Variants in DPYSL2 observed in about 807,000 individuals in gnomAD.
The protein encoded by DPYSL2 is dihydropyrimidinase like 2, also known as dihydropyrimidinase-related protein 2.
Under a neutral mutation model 69.9 loss-of-function variants are expected in DPYSL2, and 13 were observed. The ratio of observed to expected loss-of-function variants is 0.19; its 90% CI spans 0.12 to 0.30. The LOEUF is 0.30. Among genes scored for constraint, DPYSL2 ranks in the 10% least tolerant of loss-of-function variants. The pLI is 1.00. For missense variants in DPYSL2, 587 were observed against 918.9 expected, an observed-to-expected ratio of 0.64 and a Z score of 4.67; for synonymous variants, 326 against 359.1, an observed-to-expected ratio of 0.91 and a Z score of 1.04.
chr8:26,653,153 A>G lies in DPYSL2; in HGVS notation c.1777-79A>G. ...CTCCATCCCTAGATCTCACAGGCCC[A>G]TCCTCCCTCCAGGAGGGTTTCTAGA... On this transcript the variant is annotated intron_variant, in intron 12 of 13. Coordinates refer to ENST00000521913, the MANE Select transcript of DPYSL2 (RefSeq NM_001197293.3). This position sits in a 1 kb window ranked among gnomAD's most constrained non-coding sequence, Gnocchi z 5.7. 1 of 1,516,750 alleles carries G rather than the reference A, an allele frequency of 6.6e-7. No homozygotes were observed. The highest frequency in any genetic ancestry group is 1.4e-5 in the African/African-American group (1 of 72,430). The allele number at this position is 1,516,750 out of a possible 1,614,324, so 94.0% of individuals were successfully genotyped here.
At chr8:26,646,155 C>T (rs1235436602) in intron 10 of DPYSL2, among the ~76,000 whole-genome samples, 3 of 152,048 alleles carry the variant, frequency 2.0e-5, no homozygotes, top group Non-Finnish European at 4.4e-5. Flanking sequence ...TGTGAGCCAC[C>T]ACGCCCAGCC....
intron 1 of DPYSL2, chr8:26,577,281 C>A: frequency 3.3e-6 from 1 of 306,268 alleles, no homozygotes; most frequent in Non-Finnish European, 6.2e-6. Context: ...CAGCCGCCCT[C>A]TCCGGGGCCG....
At chr8:26,534,630 A>G (rs1800562971) in intron 1 of DPYSL2, among the ~76,000 whole-genome samples, 1 of 151,460 alleles carries the variant, frequency 6.6e-6, no homozygotes. Context: ...TTTTTATTTT[A>G]TTTATTATTA....
chr8:26,542,214 G>T (rs547831695), intron 1 of DPYSL2, among the ~76,000 whole-genome samples: 6 of 152,236 alleles, frequency 3.9e-5, no homozygotes, highest in Admixed American at 3.9e-4. Flanking sequence ...CTTGAGGCTG[G>T]GAGGTTGAGG....
chr8:26,554,213 A>G (rs1585504990), intron 1 of DPYSL2, among the ~76,000 whole-genome samples: 1 of 152,128 alleles, frequency 6.6e-6, no homozygotes, highest in East Asian at 1.9e-4. Flanking sequence ...AATAATAGCC[A>G]TTCTGACTGA....
chr8:26,613,142 G>T (rs1003383224), intron 3 of DPYSL2, among the ~76,000 whole-genome samples: 3 of 152,232 alleles, frequency 2.0e-5, no homozygotes, highest in Non-Finnish European at 4.4e-5. Flanking sequence ...TCCCTGAGGT[G>T]GGGAGCTAGG....
chr8:26,566,212 T>C (rs1395201285), intron 1 of DPYSL2, among the ~76,000 whole-genome samples: 1 of 151,960 alleles, frequency 6.6e-6, no homozygotes, highest in African/African-American at 2.4e-5. Flanking sequence ...CCTTGCAGGG[T>C]GGGCAGATGG....
At chr8:26,630,458 G>A (rs571785111) in intron 7 of DPYSL2, among the ~76,000 whole-genome samples, 32 of 152,332 alleles carry the variant, frequency 2.1e-4, no homozygotes, top group African/African-American at 6.5e-4. Flanking sequence ...CAGAGTCCGG[G>A]AGAGGTGGAG....
rs894079269 is a variant in DPYSL2 at position 26,585,856 on chromosome 8, A to C, written c.628+1873A>C. On this transcript the variant is annotated intron_variant, in intron 3 of 13. Transcript: ENST00000521913. The surrounding 1 kb of genome is among the most constrained non-coding windows in gnomAD (Gnocchi z 4.0). ...GCTGGGCACCATGGTTCATGCCTGTAATTCCAGCACTTTGGGAGCCTGAGG... is the reference window on the plus strand; with the variant it reads ...GCTGGGCACCATGGTTCATGCCTGTCATTCCAGCACTTTGGGAGCCTGAGG... Among the ~76,000 whole-genome samples the C allele has an allele frequency of 2.6e-5, 4 of 152,322 alleles. No homozygotes were observed. The East Asian group carries it at 7.7e-4, about 29-fold the overall frequency.
chr8:26,515,032 G>C (rs1024513535), intron 1 of DPYSL2, among the ~76,000 whole-genome samples: 1 of 152,242 alleles, frequency 6.6e-6, no homozygotes, highest in African/African-American at 2.4e-5. Flanking sequence ...TCCGATTGCA[G>C]CTGCGGCTGG....
Position 26,655,778 on chromosome 8 carries a change from C to A in DPYSL2, c.*72C>A. On this transcript the variant is annotated 3_prime_UTR_variant, in exon 14 of 14. Coordinates refer to ENST00000521913, the MANE Select transcript of DPYSL2 (RefSeq NM_001197293.3). Reference sequence around the variant, plus strand: ...GAGGACATTCTGAGACTTCTTTCTTCCTTCCTTTTTTTTTTTTTGTTTTTT... The same window carrying A: ...GAGGACATTCTGAGACTTCTTTCTTACTTCCTTTTTTTTTTTTTGTTTTTT... 2 of 1,237,544 alleles carry A rather than the reference C, an allele frequency of 1.6e-6. No individual in the cohort carries two copies. The highest frequency in any genetic ancestry group is 2.2e-6 in the Non-Finnish European group (2 of 914,450). The allele number at this position is 1,237,544 out of a possible 1,614,324, so 76.7% of individuals were successfully genotyped here.
In DPYSL2 at chr8:26,545,404, A is replaced by G. The variant is rs906799609; in HGVS notation, c.354+30725A>G. 1.6e-4 allele frequency among the ~76,000 whole-genome samples: 24 copies of G among 152,230 alleles called. 1 individual carries two copies. The highest frequency in any genetic ancestry group is 5.5e-4 in the African/African-American group (23 of 41,472). ...ATGTGGAAACAAAACACACTCCAGA[A>G]CAACCATTGGCTCAAAGAAGGTATC... is the stretch of plus-strand genomic sequence containing the variant. On this transcript the variant is annotated intron_variant, in intron 1 of 13. Transcript: ENST00000521913.
chr8:26,559,234 C>A (rs953063058), intron 1 of DPYSL2, among the ~76,000 whole-genome samples: 3 of 152,148 alleles, frequency 2.0e-5, no homozygotes, highest in South Asian at 2.1e-4. Context: ...TGAGCCACCA[C>A]GTCCGGCCTA....
intron 1 of DPYSL2, among the ~76,000 whole-genome samples, chr8:26,541,228 C>G (rs1460167512): frequency 6.6e-6 from 1 of 152,172 alleles, no homozygotes; most frequent in East Asian, 1.9e-4. Flanking sequence ...ACTTCGCAGA[C>G]TAGGAGACAG....
intron 1 of DPYSL2, among the ~76,000 whole-genome samples, chr8:26,542,557 G>A (rs935146983): frequency 1.3e-5 from 2 of 151,816 alleles, no homozygotes; most frequent in African/African-American, 4.8e-5. Context: ...GAGTAGTTCG[G>A]GCTACAGGCA....
rs1318612216 is a variant in DPYSL2 at position 26,621,556 on chromosome 8, C to T, written c.629-2587C>T. 1.3e-5 allele frequency among the ~76,000 whole-genome samples: 2 copies of T among 152,178 alleles called. No individual in the cohort carries two copies. Among genetic ancestry groups the T allele is most frequent in the Admixed American group, 1.3e-4 (2 of 15,270 alleles). On this transcript the variant is annotated intron_variant, in intron 3 of 13. Coordinates refer to ENST00000521913, the MANE Select transcript of DPYSL2 (RefSeq NM_001197293.3). This position sits in a 1 kb window ranked among gnomAD's most constrained non-coding sequence, Gnocchi z 4.9. ...TCTTCCCTGATCTAGGCGTTCAGTA[C>T]CTGCTCAGAGGGAGTTTACATTCTA... is the stretch of plus-strand genomic sequence containing the variant.
rs77163697 is a variant in DPYSL2, at chr8:26,593,425, C to T, written c.628+9442C>T. On this transcript the variant is annotated intron_variant, in intron 3 of 13. Transcript: ENST00000521913. This position sits in a 1 kb window ranked among gnomAD's most constrained non-coding sequence, Gnocchi z 5.7. ...CTGATAGTTGGACTTCTGTTGAAAC[C>T]GAATGAATGTCTGCCAAGATTTTCC... 0.018 allele frequency among the ~76,000 whole-genome samples: 2,769 copies of T among 152,202 alleles called. 32 individuals carry two copies. Among genetic ancestry groups the T allele is most frequent in the Non-Finnish European group, 0.03 (2,040 of 68,018 alleles).
chr8:26,627,353 A>C lies in DPYSL2; in HGVS notation c.936+58A>C. 36 of 1,551,584 alleles carry C rather than the reference A, an allele frequency of 2.3e-5. No individual in the cohort carries two copies. The highest frequency in any genetic ancestry group is 3.0e-5 in the Non-Finnish European group (34 of 1,124,340). Reference sequence around the variant, plus strand: ...CACCTGGAGGGTGAGAGGCAGGCTCAAGAAAGGGAAGCTGCATCTGTAGCT... The same window carrying C: ...CACCTGGAGGGTGAGAGGCAGGCTCCAGAAAGGGAAGCTGCATCTGTAGCT... On this transcript the variant is annotated intron_variant, in intron 6 of 13. Coordinates refer to ENST00000521913, the MANE Select transcript of DPYSL2 (RefSeq NM_001197293.3). The surrounding 1 kb of genome is among the most constrained non-coding windows in gnomAD (Gnocchi z 6.9).
At position 26,642,223 on chromosome 8, in the gene DPYSL2, G is replaced by C. The variant is rs181446850; in HGVS notation, c.1127-1216G>C. Among the ~76,000 whole-genome samples, 69 of 152,300 alleles carry C rather than the reference G, an allele frequency of 4.5e-4. No homozygotes were observed. The highest frequency in any genetic ancestry group is 9.0e-4 in the Non-Finnish European group (61 of 68,032). The stretch of plus-strand genomic sequence containing the variant: ...GTGCAGGCAGGTAAATGATCTTCAA[G>C]GTGTCTCCATCAGGTGGAAAGTCAA... On this transcript the variant is annotated intron_variant, in intron 8 of 13. Transcript: ENST00000521913. The surrounding 1 kb of genome is among the most constrained non-coding windows in gnomAD (Gnocchi z 5.3).
Sources: gnomAD v4.1 joint callset for allele counts (sites outside exome capture counted in the v4.1 genomes callset) on GRCh38, gnomAD v4.1.1 for gene constraint, Gnocchi (gnomAD v3.1) non-coding constraint, MANE v1.5 for transcripts, NCBI Gene and HGNC (gene_info 2026-07-23, HGNC 2026-07-21) for gene names.